Variants in CEP43 observed in about 807,000 individuals in gnomAD.
The protein encoded by CEP43 is centrosomal protein 43.
Under a neutral mutation model 52.6 loss-of-function variants are expected in CEP43, and 36 were observed. That is an observed-to-expected ratio of 0.68 (90% CI 0.52 to 0.90). The LOEUF (loss-of-function observed/expected upper bound fraction) is 0.90. Ranked by LOEUF, CEP43 falls within the 40% of genes least tolerant of loss-of-function variation. The probability of loss-of-function intolerance (pLI) is 0.00; values close to 1 mark genes in which losing one functional copy is unlikely to be tolerated. For missense variants in CEP43, 506 were observed against 472.8 expected (o/e 1.07, Z -0.65); for synonymous variants, 192 against 172.4 (o/e 1.11, Z -0.89).
Position 167,042,814 on chromosome 6 carries a change from T to TTTGTGTGTGTGTGTGTG in CEP43, c.*2837_*2838insTGTGTGTGTGTGTGTGT, listed in dbSNP as rs1491238002. 7.3e-6 allele frequency: 1 copy of TTTGTGTGTGTGTGTGTG among 137,796 alleles called. No homozygotes were observed. Among genetic ancestry groups the TTTGTGTGTGTGTGTGTG allele is most frequent in the Non-Finnish European group, 1.6e-5 (1 of 64,390 alleles). The allele number at this position is 137,796 out of a possible 1,614,324, so 8.5% of individuals were successfully genotyped here. A position where few individuals can be genotyped will look rare whatever the true frequency, so the allele number is the denominator to read the frequency against. Reference sequence around the variant, plus strand: ...ATACTCTGAAATGGTCTTGCTTATTTTGTGTGTGTGTGTGTGTGTGTGTGT... The same window carrying TTTGTGTGTGTGTGTGTG: ...ATACTCTGAAATGGTCTTGCTTATTTTTGTGTGTGTGTGTGTGTGTGTGTGTGTGTGTGTGTGTGTGT... On this transcript the variant is annotated 3_prime_UTR_variant, in exon 13 of 13. Coordinates refer to ENST00000366847, the MANE Select transcript of CEP43 (RefSeq NM_007045.4).
chr6:167,026,363 C>G (rs1248184616), intron 9 of CEP43, among the ~76,000 whole-genome samples, 184 bp from the exon 10 acceptor site: 1 of 151,808 alleles, frequency 6.6e-6, no homozygotes, highest in Non-Finnish European at 1.5e-5. Context: ...GACTCCGTCT[C>G]AAAAAAAGGG....
At chr6:167,013,624 T>C in intron 7 of CEP43, 57 bp downstream of exon 7, 1 of 1,393,688 alleles carries the variant, frequency 7.2e-7, no homozygotes, top group Non-Finnish European at 1.0e-6. Flanking sequence ...GTCTCGACTC[T>C]GGGGCCTCCT....
At chr6:167,009,936 G>A (rs1309895419) in intron 5 of CEP43, among the ~76,000 whole-genome samples, 2 of 152,158 alleles carry the variant, frequency 1.3e-5, no homozygotes, top group East Asian at 3.8e-4. Context: ...ATGGGGCAAG[G>A]TCACAGAAGG....
rs769540971 is a variant in CEP43 at position 167,039,870 on chromosome 6, CACTT to C, written c.1126-32_1126-29del. On this transcript the variant is annotated intron_variant, in intron 12 of 12. Transcript: ENST00000366847. ...TAACTTAAGACTACTCACATTCTGA[CACTT>C]AATTATTTTCTTTCTTTTGAACAAC... is the stretch of plus-strand genomic sequence containing the variant. 168 of 1,609,454 alleles carry C rather than the reference CACTT, an allele frequency of 1.0e-4. 5 individuals carry two copies. The South Asian group carries it at 1.7e-3, about 17-fold the overall frequency.
At chr6:167,027,852 T>C (rs997535201) in intron 10 of CEP43, 10 of 985,304 alleles carry the variant, frequency 1.0e-5, no homozygotes, top group African/African-American at 7.0e-5. Flanking sequence ...ACGTTACTTT[T>C]CCCCCCATTT....
chr6:167,037,673 T>TGA (rs770777302), intron 12 of CEP43, among the ~76,000 whole-genome samples: 6 of 152,194 alleles, frequency 3.9e-5, no homozygotes, highest in Non-Finnish European at 5.9e-5. Flanking sequence ...AATAACAAAA[T>TGA]GAGAGGATAT....
Position 167,003,854 on chromosome 6 carries a change from T to C in CEP43, c.300+43T>C, listed in dbSNP as rs1056580538. 3 of 1,167,246 alleles carry C rather than the reference T, an allele frequency of 2.6e-6. No individual in the cohort carries two copies. In the East Asian group the frequency reaches 7.1e-5, roughly 27 times the overall value. The allele number at this position is 1,167,246 out of a possible 1,614,324, so 72.3% of individuals were successfully genotyped here. A position where few individuals can be genotyped will look rare whatever the true frequency, so the allele number is the denominator to read the frequency against. Reference sequence around the variant, plus strand: ...TACATCTATCTTTTGAAACCTTTGATACAAATGAGTTAATATTAAGCTGAA... The same window carrying C: ...TACATCTATCTTTTGAAACCTTTGACACAAATGAGTTAATATTAAGCTGAA... On this transcript the variant is annotated intron_variant, in intron 4 of 12. Coordinates refer to ENST00000366847, the MANE Select transcript of CEP43 (RefSeq NM_007045.4).
intron 2 of CEP43, among the ~76,000 whole-genome samples, chr6:167,000,754 C>G (rs1779716279): frequency 6.6e-6 from 1 of 152,212 alleles, no homozygotes; most frequent in South Asian, 2.1e-4. Context: ...GTTCTTTGCC[C>G]TTTCCATGTC....
Position 167,000,124 on chromosome 6 carries a change from T to C in CEP43, c.156+11T>C, listed in dbSNP as rs770726352. ...CAAGAAAAAGTAGAGGTATGAAGTT[T>C]CCAGATTTTAACATGGCTGTATTCG... On this transcript the variant is annotated intron_variant, in intron 2 of 12. Transcript: ENST00000366847. 6.2e-7 allele frequency: 1 copy of C among 1,602,404 alleles called. No individual in the cohort carries two copies. The highest frequency in any genetic ancestry group is 8.5e-7 in the Non-Finnish European group (1 of 1,171,654).
intron 6 of CEP43, among the ~76,000 whole-genome samples, chr6:167,012,159 C>CT (rs1780001210): frequency 6.6e-6 from 1 of 152,162 alleles, no homozygotes; most frequent in Middle Eastern, 3.2e-3. Context: ...CGATACCTTT[C>CT]TTTTTTAAAT....
rs932833947 is a variant in CEP43, at chr6:167,042,494, A to T, written c.*2516A>T. On this transcript the variant is annotated 3_prime_UTR_variant, in exon 13 of 13. Coordinates refer to ENST00000366847, the MANE Select transcript of CEP43 (RefSeq NM_007045.4). The stretch of plus-strand genomic sequence containing the variant: ...TGTAGATGCCATTAGTCCCTGCCTC[A>T]TGCTTGCCCACAGCTCTTCCTCCCC... 3 of 416,766 alleles carry T rather than the reference A, an allele frequency of 7.2e-6. No individual in the cohort carries two copies. Among genetic ancestry groups the T allele is most frequent in the East Asian group, 1.5e-4 (1 of 6,614 alleles). 25.8% of individuals were successfully genotyped at this position (416,766 alleles called of 1,614,324 possible). A position where few individuals can be genotyped will look rare whatever the true frequency, so the allele number is the denominator to read the frequency against.
chr6:167,029,149 C>T (rs544568741), intron 10 of CEP43, among the ~76,000 whole-genome samples: 27 of 152,248 alleles, frequency 1.8e-4, no homozygotes, highest in African/African-American at 6.5e-4. Context: ...AAAAGCAGGT[C>T]ATCAGCCAGA....
intron 12 of CEP43, 137 bp downstream of exon 12, chr6:167,034,108 C>T (rs999162619): frequency 1.5e-5 from 7 of 453,104 alleles, no homozygotes; most frequent in Admixed American, 1.2e-4. Context: ...AGACCTGGCT[C>T]GAGTTTATAA....
At chr6:167,015,598 T>C (rs910514134) in intron 7 of CEP43, among the ~76,000 whole-genome samples, 5 of 152,334 alleles carry the variant, frequency 3.3e-5, no homozygotes, top group Admixed American at 3.3e-4. Context: ...GGGCATGCGA[T>C]GCAGGAGGGC....
chr6:166,999,848 G>A, intron 1 of CEP43: 1 of 572,160 alleles, frequency 1.7e-6, no homozygotes, highest in East Asian at 3.0e-5. Flanking sequence ...CCTCAGGCTC[G>A]GGCATGATCC....
rs1780528355 is a variant in CEP43, at chr6:167,033,952, A to G, written c.1106A>G (p.Asp369Gly). ...IEEDLSVEIDDINTSDKLDDL... is the reference protein window; with the variant it reads ...IEEDLSVEIDGINTSDKLDDL... Reference sequence around the variant, plus strand: ...GAAGACCTTTCTGTGGAAATAGATGACATCAATACCAGTGATAAGGTATGG... The same window carrying G: ...GAAGACCTTTCTGTGGAAATAGATGGCATCAATACCAGTGATAAGGTATGG... The change falls in exon 12 of 13, where the codon GAC becomes GGC. Residue 369 changes from aspartate (D) to glycine (G), a missense_variant. Physicochemically the swap from Asp to Gly is moderately conservative, Grantham distance 94. Coordinates refer to ENST00000366847, the MANE Select transcript of CEP43 (RefSeq NM_007045.4). 6.4e-7 allele frequency: 1 copy of G among 1,561,236 alleles called. No homozygotes were observed. Among genetic ancestry groups the G allele is most frequent in the East Asian group, 2.3e-5 (1 of 44,330 alleles).
intron 11 of CEP43, among the ~76,000 whole-genome samples, chr6:167,032,860 A>C (rs989114722): frequency 1.3e-5 from 2 of 152,176 alleles, no homozygotes; most frequent in Admixed American, 6.5e-5. Context: ...CAGTCACATT[A>C]TGTTCAGGAA....
chr6:167,018,827 G>A (rs559711786), intron 7 of CEP43, among the ~76,000 whole-genome samples: 10 of 152,200 alleles, frequency 6.6e-5, no homozygotes, highest in Non-Finnish European at 1.5e-4. Flanking sequence ...CGTAACATAA[G>A]TTCGTCTTAA....
intron 7 of CEP43, among the ~76,000 whole-genome samples, chr6:167,015,760 A>C (rs1454842724): frequency 6.6e-6 from 1 of 152,136 alleles, no homozygotes; most frequent in Non-Finnish European, 1.5e-5. Flanking sequence ...TATTATAAAT[A>C]AACTTAAAAA....
Sources: gnomAD v4.1 joint callset for allele counts (sites outside exome capture counted in the v4.1 genomes callset) on GRCh38, gnomAD v4.1.1 for gene constraint, MANE v1.5 for transcripts, NCBI Gene and HGNC (gene_info 2026-07-23, HGNC 2026-07-21) for gene names.